CTNND2: variants seen among roughly 807,000 people sequenced by gnomAD.
The protein encoded by CTNND2 is catenin delta 2, also known as catenin delta-2.
A neutral mutation model predicts 144.4 loss-of-function variants in CTNND2; 22 were observed. The observed-to-expected ratio is 0.15, with a 90% CI of 0.11 to 0.22. CTNND2 has a LOEUF of 0.22. CTNND2 is among the 10% of genes least tolerant of loss of function. CTNND2 has a pLI of 1.00. For synonymous variants in CTNND2, 751 were observed against 695.6 expected (o/e 1.08, Z -1.25); for missense variants, 1,353 against 1,618.8 (o/e 0.84, Z 2.82).
chr5:11,901,627 A>C (rs1174385068), intron 1 of CTNND2, among the ~76,000 whole-genome samples: 1 of 152,204 alleles, frequency 6.6e-6, no homozygotes, highest in Admixed American at 6.5e-5. Context: ...ACGTACACCA[A>C]ATTAAATAAC....
intron 3 of CTNND2, among the ~76,000 whole-genome samples, chr5:11,452,984 T>C (rs973334168): frequency 6.6e-6 from 1 of 152,214 alleles, no homozygotes; most frequent in African/African-American, 2.4e-5. Context: ...TGAGTTCCTG[T>C]TGTGTTTGAA....
chr5:11,840,522 A>G (rs1430219345), intron 1 of CTNND2, among the ~76,000 whole-genome samples: 1 of 152,214 alleles, frequency 6.6e-6, no homozygotes, highest in East Asian at 1.9e-4. Flanking sequence ...AGAAATAAAT[A>G]TTAAATGGGA....
chr5:11,093,098 C>G (rs551306594), intron 15 of CTNND2, among the ~76,000 whole-genome samples: 1 of 152,332 alleles, frequency 6.6e-6, no homozygotes, highest in South Asian at 2.1e-4. Context: ...ATCCAAGTCT[C>G]TCTTTGTTCT....
chr5:11,723,216 T>C (rs1786784879), intron 2 of CTNND2, among the ~76,000 whole-genome samples: 1 of 152,190 alleles, frequency 6.6e-6, no homozygotes, highest in Non-Finnish European at 1.5e-5. Context: ...GTAGGTTTTT[T>C]TTCCTCTTAA....
intron 5 of CTNND2, among the ~76,000 whole-genome samples, chr5:11,409,571 T>C (rs995813676): frequency 3.3e-5 from 5 of 152,082 alleles, no homozygotes; most frequent in African/African-American, 7.2e-5. Flanking sequence ...TCACATGCTA[T>C]GCTGTTTGGT....
chr5:11,030,478 CT>C (rs59658295), intron 16 of CTNND2, among the ~76,000 whole-genome samples: 118,865 of 151,716 alleles, frequency 0.78, 46,990 homozygotes, highest in African/African-American at 0.88. Flanking sequence ...ATTTTCCTGT[CT>C]TTCAACTTTG....
intron 1 of CTNND2, among the ~76,000 whole-genome samples, chr5:11,794,270 A>G (rs1001518015): frequency 6.6e-6 from 1 of 152,240 alleles, no homozygotes; most frequent in Non-Finnish European, 1.5e-5. Flanking sequence ...CTGTCCCCGT[A>G]TTTTAATACA....
At chr5:11,324,690 T>C (rs957059530) in intron 9 of CTNND2, among the ~76,000 whole-genome samples, 1 of 152,210 alleles carries the variant, frequency 6.6e-6, no homozygotes, top group Non-Finnish European at 1.5e-5. Context: ...GAAATGCCTG[T>C]CTTCTCAGCC....
intron 10 of CTNND2, 118 bp downstream of exon 10, chr5:11,236,572 AG>A: frequency 9.2e-7 from 1 of 1,083,892 alleles, no homozygotes; most frequent in East Asian, 2.4e-5. Context: ...TCATAAATAT[AG>A]ATCTAAATTT....
At chr5:11,781,187 T>C (rs1175461595) in intron 1 of CTNND2, among the ~76,000 whole-genome samples, 1 of 151,800 alleles carries the variant, frequency 6.6e-6, no homozygotes, top group Non-Finnish European at 1.5e-5. Flanking sequence ...AGCAAGCAAA[T>C]GAGAGAGAGA....
At chr5:11,121,617 CTA>C (rs1160077951) in intron 12 of CTNND2, among the ~76,000 whole-genome samples, 3 of 152,056 alleles carry the variant, frequency 2.0e-5, no homozygotes, top group African/African-American at 4.8e-5. Flanking sequence ...AAAGACCAAT[CTA>C]TTTTTTATTT....
chr5:11,276,192 G>A (rs1435421833), intron 9 of CTNND2, among the ~76,000 whole-genome samples: 1 of 152,186 alleles, frequency 6.6e-6, no homozygotes, highest in Admixed American at 6.5e-5. Flanking sequence ...CAGGAGCAGG[G>A]GATGTGGCTT....
intron 18 of CTNND2, among the ~76,000 whole-genome samples, chr5:11,000,528 A>C (rs1739841850): frequency 6.6e-6 from 1 of 152,164 alleles, no homozygotes; most frequent in African/African-American, 2.4e-5. Context: ...CTCAAGAAAG[A>C]AAAAAATGTG....
intron 2 of CTNND2, among the ~76,000 whole-genome samples, chr5:11,715,115 G>A (rs1299045487): frequency 6.6e-6 from 1 of 152,096 alleles, no homozygotes; most frequent in Non-Finnish European, 1.5e-5. Context: ...TGAGTTACCA[G>A]GCAGAGTGAT....
chr5:11,023,049 G>T, intron 16 of CTNND2, 70 bp from the exon 17 acceptor site: 2 of 1,397,496 alleles, frequency 1.4e-6, no homozygotes, highest in Non-Finnish European at 1.0e-6. Context: ...GCAGAGGTGG[G>T]TATGGGGGAG....
intron 2 of CTNND2, among the ~76,000 whole-genome samples, chr5:11,616,814 C>A (rs914416210): frequency 2.6e-5 from 4 of 152,160 alleles, no homozygotes; most frequent in African/African-American, 2.4e-5. Context: ...GCCATGTCAG[C>A]CAGTCTTGTC....
Position 11,102,970 on chromosome 5 carries a change from A to ATTTTTTTTTTTTTT in CTNND2, c.2464-4236_2464-4223dup, listed in dbSNP as rs778134907. On this transcript the variant is annotated intron_variant, in intron 14 of 21. Transcript: ENST00000304623. The stretch of plus-strand genomic sequence containing the variant: ...GCAGGGCTTAAATTCTATTTAAAAG[A>ATTTTTTTTTTTTTT]TTTTTTTTTTTTTTTTTTTTTTTTT... Among the ~76,000 whole-genome samples the ATTTTTTTTTTTTTT allele has an allele frequency of 4.4e-4, 37 of 84,086 alleles. 3 individuals carry two copies. The highest frequency in any genetic ancestry group is 6.7e-4 in the Non-Finnish European group (31 of 46,208). The allele number at this position is 84,086 out of a possible 152,430, so 55.2% of individuals were successfully genotyped here. A position where few individuals can be genotyped will look rare whatever the true frequency, so the allele number is the denominator to read the frequency against.
At chr5:11,591,444 C>CT (rs538886686) in intron 2 of CTNND2, among the ~76,000 whole-genome samples, 3 of 152,090 alleles carry the variant, frequency 2.0e-5, no homozygotes, top group African/African-American at 4.8e-5. Context: ...CATCTATTGC[C>CT]TTTTTTTCTC....
At chr5:11,794,594 G>T (rs940797741) in intron 1 of CTNND2, among the ~76,000 whole-genome samples, 1 of 152,142 alleles carries the variant, frequency 6.6e-6, no homozygotes, top group Non-Finnish European at 1.5e-5. Context: ...CAATATGAAA[G>T]CATAACTTAT....
Sources: gnomAD v4.1 joint callset for allele counts (sites outside exome capture counted in the v4.1 genomes callset) on GRCh38, gnomAD v4.1.1 for gene constraint, MANE v1.5 for transcripts, NCBI Gene and HGNC (gene_info 2026-07-23, HGNC 2026-07-21) for gene names.